The following GRIP1 variants were observed in gnomAD, a reference collection of about 807,000 sequenced individuals.
The protein encoded by GRIP1 is glutamate receptor interacting protein 1.
In GRIP1, 45 loss-of-function variants were observed where a neutral mutation model predicts 129.9. That is an observed-to-expected ratio of 0.35 (90% confidence interval 0.27 to 0.44). The LOEUF (loss-of-function observed/expected upper bound fraction) is 0.44, where lower values mean the gene tolerates loss of function less well. Among genes scored for constraint, GRIP1 ranks in the 20% least tolerant of loss-of-function variants. The pLI is 1.00. For missense variants in GRIP1, 1,196 were observed against 1,396.8 expected (o/e 0.86, Z 2.29); for synonymous variants, 530 against 520.8 (o/e 1.02, Z -0.24).
chr12:66,579,630 T>A (rs909208738), intron 2 of GRIP1, among the ~76,000 whole-genome samples: 32 of 152,158 alleles, frequency 2.1e-4, no homozygotes, highest in Admixed American at 1.8e-3. Flanking sequence ...CAGGAGCCGA[T>A]GCGATCAACT....
At chr12:66,652,521 A>G (rs193112103) in intron 1 of GRIP1, among the ~76,000 whole-genome samples, 11 of 152,354 alleles carry the variant, frequency 7.2e-5, no homozygotes, top group African/African-American at 1.7e-4. Context: ...GGAGAAAACA[A>G]GAAAACGTAG....
intron 2 of GRIP1, among the ~76,000 whole-genome samples, chr12:66,553,618 C>T (rs746051484): frequency 5.9e-5 from 9 of 151,608 alleles, no homozygotes; most frequent in Non-Finnish European, 1.3e-4. Context: ...TGAGCGATCA[C>T]AGTACCTGGT....
At chr12:66,886,288 TC>T (rs1216323227) in intron 1 of GRIP1, among the ~76,000 whole-genome samples, 1 of 151,802 alleles carries the variant, frequency 6.6e-6, no homozygotes. Flanking sequence ...ACAAAGATTA[TC>T]CCCAAATCCT....
chr12:66,964,275 C>T (rs763685431), intron 1 of GRIP1, among the ~76,000 whole-genome samples: 6 of 152,036 alleles, frequency 3.9e-5, no homozygotes, highest in Non-Finnish European at 8.8e-5. Flanking sequence ...TACCAGTTAA[C>T]AAAAGAGACA....
intron 1 of GRIP1, among the ~76,000 whole-genome samples, chr12:66,982,448 TA>T (rs1417906833): frequency 6.6e-6 from 1 of 152,176 alleles, no homozygotes; most frequent in Non-Finnish European, 1.5e-5. Flanking sequence ...AAAAGTGTTG[TA>T]ACTTTGCTTC....
chr12:66,606,214 T>C (rs973156957), intron 1 of GRIP1, among the ~76,000 whole-genome samples: 3 of 152,272 alleles, frequency 2.0e-5, no homozygotes, highest in East Asian at 1.9e-4. Flanking sequence ...TTTGTGGTAA[T>C]GGAGAAAATG....
At chr12:66,887,473 A>AG in intron 1 of GRIP1, among the ~76,000 whole-genome samples, 1 of 152,342 alleles carries the variant, frequency 6.6e-6, no homozygotes, top group African/African-American at 2.4e-5. Flanking sequence ...CTGGCATATA[A>AG]GGAGCCTATT....
At chr12:66,528,163 CTGGCTCTA>C (rs1219158573) in intron 5 of GRIP1, among the ~76,000 whole-genome samples, 1 of 61,040 alleles carries the variant, frequency 1.6e-5, no homozygotes, top group East Asian at 5.4e-4. Flanking sequence ...GAGATGGAGT[CTGGCTCTA>C]TCACCCAGGC....
At chr12:66,493,986 G>T (rs141586397) in intron 7 of GRIP1, among the ~76,000 whole-genome samples, 1 of 152,076 alleles carries the variant, frequency 6.6e-6, no homozygotes, top group Non-Finnish European at 1.5e-5. Flanking sequence ...ATGCCTCTGG[G>T]TATATGTAAA....
chr12:66,540,454 C>A (rs761473224), intron 3 of GRIP1, among the ~76,000 whole-genome samples: 1 of 152,088 alleles, frequency 6.6e-6, no homozygotes, highest in Non-Finnish European at 1.5e-5. Flanking sequence ...GACTTATGAA[C>A]CCCTAGCATC....
intron 5 of GRIP1, among the ~76,000 whole-genome samples, chr12:66,527,513 G>A (rs181874472): frequency 8.9e-4 from 135 of 152,082 alleles, no homozygotes; most frequent in African/African-American, 2.8e-3. Flanking sequence ...ATCACACTCC[G>A]GGGAGTGTTG....
intron 1 of GRIP1, among the ~76,000 whole-genome samples, chr12:66,714,920 C>CATCCA (rs1555229372): frequency 0.044 from 2,902 of 66,020 alleles, 112 homozygotes; most frequent in African/African-American, 0.15. Context: ...TCCATCCATC[C>CATCCA]ATCCAATCCA....
chr12:66,509,622 A>T (rs1301749997), intron 7 of GRIP1, among the ~76,000 whole-genome samples: 1 of 152,196 alleles, frequency 6.6e-6, no homozygotes, highest in Non-Finnish European at 1.5e-5. Context: ...CAGCCATAAA[A>T]AGGAATGAGT....
intron 13 of GRIP1, among the ~76,000 whole-genome samples, chr12:66,441,038 C>A (rs1449103402): frequency 6.6e-6 from 1 of 152,234 alleles, no homozygotes; most frequent in Non-Finnish European, 1.5e-5. Flanking sequence ...AAGCAGACAG[C>A]AAGCAGAGCA....
At chr12:66,484,228 A>G (rs2059892436) in intron 7 of GRIP1, among the ~76,000 whole-genome samples, 1 of 151,890 alleles carries the variant, frequency 6.6e-6, no homozygotes, top group Admixed American at 6.5e-5. Flanking sequence ...TACTATTTAT[A>G]CTCTTCTTTG....
At chr12:66,951,605 C>T (rs2041759460) in intron 1 of GRIP1, among the ~76,000 whole-genome samples, 1 of 152,164 alleles carries the variant, frequency 6.6e-6, no homozygotes, top group Admixed American at 6.5e-5. Context: ...ATTGCTCTGG[C>T]TGCACTGTGG....
At chr12:66,456,724 C>A (rs1211164447) in intron 9 of GRIP1, among the ~76,000 whole-genome samples, 1 of 151,936 alleles carries the variant, frequency 6.6e-6, no homozygotes, top group South Asian at 2.1e-4. Context: ...TAAAGATTTG[C>A]AAATCTTGGC....
intron 1 of GRIP1, among the ~76,000 whole-genome samples, chr12:66,742,020 T>C (rs2036804346): frequency 6.6e-6 from 1 of 152,184 alleles, no homozygotes; most frequent in Non-Finnish European, 1.5e-5. Context: ...TACTAAAGTG[T>C]AGAATTATAC....
chr12:66,674,382 A>G (rs2034227496), intron 1 of GRIP1, among the ~76,000 whole-genome samples: 1 of 152,232 alleles, frequency 6.6e-6, no homozygotes. Flanking sequence ...AATTCCTTGG[A>G]TTAAAAGATT....
Sources: allele counts gnomAD v4.1 joint callset (sites outside exome capture counted in the v4.1 genomes callset), GRCh38; gene constraint gnomAD v4.1.1; transcripts MANE v1.5; gene names NCBI Gene and HGNC (gene_info 2026-07-23, HGNC 2026-07-21).